The following ADGRV1 variants were observed in gnomAD, a reference collection of about 807,000 sequenced individuals.
ADGRV1 encodes the protein adhesion G protein-coupled receptor V1, also known as G-protein coupled receptor 98.
A neutral mutation model predicts 596.2 loss-of-function variants in ADGRV1; 359 were observed. The ratio of observed to expected loss-of-function variants is 0.60; its 90% CI spans 0.55 to 0.66. The LOEUF (loss-of-function observed/expected upper bound fraction) is 0.66. ADGRV1 is among the 30% of genes least tolerant of loss of function. The pLI, the probability that ADGRV1 is intolerant of heterozygous loss-of-function variation, is 0.00. For synonymous variants in ADGRV1, 2,681 were observed against 2,679.2 expected (o/e 1.00, Z -0.02); for missense variants, 7,274 against 7,575.6 (o/e 0.96, Z 1.48).
At chr5:91,071,037 T>A (rs1156423200) in intron 85 of ADGRV1, among the ~76,000 whole-genome samples, 1 of 152,170 alleles carries the variant, frequency 6.6e-6, no homozygotes, top group Non-Finnish European at 1.5e-5. Flanking sequence ...ATTAGCTCCC[T>A]AATGGTGATA....
chr5:90,601,176 G>A (rs1170901777), intron 1 of ADGRV1, among the ~76,000 whole-genome samples: 1 of 151,870 alleles, frequency 6.6e-6, no homozygotes, highest in Non-Finnish European at 1.5e-5. Flanking sequence ...GGTGGAGGTT[G>A]CAGTGAGCCA....
At chr5:90,934,530 G>A (rs548689048) in intron 83 of ADGRV1, among the ~76,000 whole-genome samples, 28 of 151,956 alleles carry the variant, frequency 1.8e-4, no homozygotes, top group Middle Eastern at 6.8e-3. Flanking sequence ...ACTTCCTCTC[G>A]TGTGTTCCCT....
intron 78 of ADGRV1, 97 bp downstream of exon 78, chr5:90,841,082 A>G (rs1312219673): frequency 2.6e-6 from 2 of 765,058 alleles, no homozygotes; most frequent in Non-Finnish European, 3.9e-6. Flanking sequence ...AACATTGGTT[A>G]TTATGAAATT....
At chr5:91,082,796 C>T (rs977511702) in intron 86 of ADGRV1, among the ~76,000 whole-genome samples, 2 of 152,168 alleles carry the variant, frequency 1.3e-5, no homozygotes, top group African/African-American at 4.8e-5. Flanking sequence ...CACTATGGCT[C>T]TCTCTCCCAG....
chr5:90,661,532 G>C (rs1195270772), intron 21 of ADGRV1, among the ~76,000 whole-genome samples: 1 of 152,124 alleles, frequency 6.6e-6, no homozygotes, highest in African/African-American at 2.4e-5. Flanking sequence ...TGGATTTGTA[G>C]CTTTAATTTT....
At position 90,627,571 on chromosome 5, in the gene ADGRV1, C is replaced by G; in HGVS notation, c.1033C>G (p.Gln345Glu). The change falls in exon 7 of 90, where the codon CAA becomes GAA. Residue 345 changes from glutamine to glutamate, a missense_variant. Transcript: ENST00000405460. ...PFIHESHLKF[Q>E]IVDDTIPEIA... The stretch of plus-strand genomic sequence containing the variant: ...TATTCATGAATCTCACTTGAAATTT[C>G]AAATAGTTGATGACACCATACCGGA... 6.2e-7 allele frequency: 1 copy of G among 1,613,816 alleles called. No homozygotes were observed. Among genetic ancestry groups the G allele is most frequent in the Non-Finnish European group, 8.5e-7 (1 of 1,179,824 alleles).
chr5:90,660,863 C>T (rs1318783566), intron 21 of ADGRV1, among the ~76,000 whole-genome samples: 1 of 152,136 alleles, frequency 6.6e-6, no homozygotes, highest in Non-Finnish European at 1.5e-5. Context: ...TATGTAGACT[C>T]TGACATAGCC....
At chr5:91,107,945 T>C (rs1392395973) in intron 87 of ADGRV1, among the ~76,000 whole-genome samples, 1 of 152,192 alleles carries the variant, frequency 6.6e-6, no homozygotes, top group Non-Finnish European at 1.5e-5. Context: ...TTTGGTCTCT[T>C]TCTTTGAAGA....
intron 83 of ADGRV1, among the ~76,000 whole-genome samples, chr5:90,957,637 T>A (rs539488817): frequency 4.0e-4 from 59 of 148,234 alleles, no homozygotes; most frequent in African/African-American, 1.3e-3. Context: ...ATATTTTACA[T>A]ATATGTATAT....
In ADGRV1 at chr5:90,651,731, G is replaced by T. The variant is rs1768655551; in HGVS notation, c.3416+1G>T. 1.3e-6 allele frequency: 2 copies of T among 1,596,162 alleles called. No individual in the cohort carries two copies. Among genetic ancestry groups the T allele is most frequent in the South Asian group, 1.1e-5 (1 of 90,096 alleles). On this transcript the variant is annotated splice_donor_variant, in intron 18 of 89. Transcript: ENST00000405460. LOFTEE classifies it high-confidence loss of function. The stretch of plus-strand genomic sequence containing the variant: ...AAGAAGGAAAGACTAATGCATTTTG[G>T]TAAGCATATGTAGATAAGGCAAGTT...
At chr5:91,130,134 AAAATT>A (rs1562256375) in intron 87 of ADGRV1, among the ~76,000 whole-genome samples, 2 of 151,940 alleles carry the variant, frequency 1.3e-5, no homozygotes, top group African/African-American at 4.8e-5. Flanking sequence ...AAATTGGAGA[AAAATT>A]AAATAGGAAA....
At chr5:91,016,225 T>C (rs1783160237) in intron 85 of ADGRV1, among the ~76,000 whole-genome samples, 1 of 152,034 alleles carries the variant, frequency 6.6e-6, no homozygotes, top group South Asian at 2.1e-4. Flanking sequence ...GCCTTAACAA[T>C]GACAAACAAT....
At chr5:90,666,057 G>A (rs1173257206) in intron 21 of ADGRV1, among the ~76,000 whole-genome samples, 2 of 151,594 alleles carry the variant, frequency 1.3e-5, no homozygotes, top group East Asian at 1.9e-4. Context: ...TTTGGAATAG[G>A]TGTGGTGTGG....
At chr5:90,777,879 G>T in intron 61 of ADGRV1, 26 bp from the exon 62 acceptor site, 1 of 1,575,886 alleles carries the variant, frequency 6.3e-7, no homozygotes, top group South Asian at 1.2e-5. Flanking sequence ...GAAATGTATT[G>T]GATATACATT....
rs1269418472 is a variant in ADGRV1, at chr5:90,674,246, C to T, written c.5110+12C>T. ...TGATCATCCATATGGTAACCTGCTC[C>T]TTTTGCAAGAAAAATCCTCTCTTCT... On this transcript the variant is annotated intron_variant, in intron 23 of 89. Transcript: ENST00000405460. The T allele has an allele frequency of 1.3e-6, 2 of 1,546,008 alleles. No individual in the cohort carries two copies. Among genetic ancestry groups the T allele is most frequent in the Non-Finnish European group, 1.7e-6 (2 of 1,148,590 alleles).
intron 85 of ADGRV1, 128 bp downstream of exon 85, chr5:90,985,650 G>C (rs1780430519): frequency 1.6e-6 from 1 of 629,146 alleles, no homozygotes; most frequent in Admixed American, 3.0e-5. Flanking sequence ...CTGAAGCTCT[G>C]CTTACTCTAA....
rs1016775232 is a variant in ADGRV1 at position 90,965,628 on chromosome 5, A to G, written c.17973+97A>G. The G allele has an allele frequency of 1.1e-5, 7 of 624,478 alleles. No individual in the cohort carries two copies. In the African/African-American group the frequency reaches 1.3e-4, roughly 11 times the overall value. 38.7% of individuals were successfully genotyped at this position (624,478 alleles called of 1,614,324 possible). A position where few individuals can be genotyped will look rare whatever the true frequency, so the allele number is the denominator to read the frequency against. On this transcript the variant is annotated intron_variant, in intron 84 of 89. Transcript: ENST00000405460. ...GATACTCTGTACTGAAGTAGAAGTAATTCCGTATATCCATCACTGCATTCT... is the reference window on the plus strand; with the variant it reads ...GATACTCTGTACTGAAGTAGAAGTAGTTCCGTATATCCATCACTGCATTCT...
chr5:90,560,859 TG>T, intron 1 of ADGRV1, among the ~76,000 whole-genome samples: 1 of 152,228 alleles, frequency 6.6e-6, no homozygotes, highest in Middle Eastern at 3.4e-3. Flanking sequence ...AGAAAAAATG[TG>T]AGAGGGCAGA....
intron 78 of ADGRV1, among the ~76,000 whole-genome samples, chr5:90,846,879 G>A (rs1474992955): frequency 6.6e-6 from 1 of 152,130 alleles, no homozygotes; most frequent in Non-Finnish European, 1.5e-5. Context: ...GCGCTGATTG[G>A]TCCATTTTGA....
Sources: allele counts gnomAD v4.1 joint callset (sites outside exome capture counted in the v4.1 genomes callset), GRCh38; gene constraint gnomAD v4.1.1; transcripts MANE v1.5; gene names NCBI Gene and HGNC (gene_info 2026-07-23, HGNC 2026-07-21).